CYP39A1: variants seen among roughly 807,000 people sequenced by gnomAD.
The protein encoded by CYP39A1 is 24-hydroxycholesterol 7-alpha-hydroxylase.
Under a neutral mutation model 58.1 loss-of-function variants are expected in CYP39A1, and 49 were observed. The ratio of observed to expected loss-of-function variants is 0.84; its 90% confidence interval spans 0.67 to 1.07. The LOEUF is 1.07. Among genes scored for constraint, CYP39A1 ranks in the 50% least tolerant of loss-of-function variants. CYP39A1 has a pLI of 0.00. For missense variants in CYP39A1, 531 were observed against 539.4 expected (o/e 0.98, Z 0.16); for synonymous variants, 209 against 187.6 (o/e 1.11, Z -0.93).
chr6:46,585,996 C>T (rs1772454167), intron 10 of CYP39A1, among the ~76,000 whole-genome samples: 1 of 152,070 alleles, frequency 6.6e-6, no homozygotes, highest in South Asian at 2.1e-4. Context: ...CAACTTCCTA[C>T]CTCAGGACAA....
At chr6:46,641,023 T>C (rs1408831901) in intron 2 of CYP39A1, among the ~76,000 whole-genome samples, 4 of 151,766 alleles carry the variant, frequency 2.6e-5, no homozygotes, top group Non-Finnish European at 5.9e-5. Context: ...CTACTATACA[T>C]CTTCTGTATG....
At position 46,553,797 on chromosome 6, in the gene CYP39A1, GT is replaced by G. The variant is rs1269009483; in HGVS notation, c.1307del (p.Asp436AlafsTer90). The G allele has an allele frequency of 1.9e-6, 3 of 1,611,094 alleles. No homozygotes were observed. The East Asian group carries it at 6.7e-5, about 36-fold the overall frequency. Reference sequence around the variant, plus strand: ...TGGGTAATGGGTCCAGAAGACTACAGTCATATTTATAAAGTATTAAAATAAT... The same window carrying G: ...TGGGTAATGGGTCCAGAAGACTACAGCATATTTATAAAGTATTAAAATAAT... ...MCIILILYKY[D>X]CSLLDPLPKQ... On this transcript the variant is annotated frameshift_variant, in exon 11 of 12. Coordinates refer to ENST00000275016, the MANE Select transcript of CYP39A1 (RefSeq NM_016593.5). LOFTEE classifies it high-confidence loss of function.
chr6:46,596,783 C>T (rs977280148), intron 7 of CYP39A1, among the ~76,000 whole-genome samples: 20 of 152,046 alleles, frequency 1.3e-4, no homozygotes, highest in Non-Finnish European at 2.8e-4. Context: ...AACCTTTGTA[C>T]CATCTAAAGT....
rs567314746 is a variant in CYP39A1 at position 46,650,484 on chromosome 6, CTTTTTTT to C, written c.177+1915_177+1921del. On this transcript the variant is annotated intron_variant, in intron 1 of 11. Transcript: ENST00000275016. Reference sequence around the variant, plus strand: ...AAACATCAAATAATGCAGTCATATTCTTTTTTTTTTTTTTTTTTTTTTTTTTTTTTTT... The same window carrying C: ...AAACATCAAATAATGCAGTCATATTCTTTTTTTTTTTTTTTTTTTTTTTTT... Among the ~76,000 whole-genome samples, 18 of 35,188 alleles carry C rather than the reference CTTTTTTT, an allele frequency of 5.1e-4. No individual in the cohort carries two copies. In the South Asian group the frequency reaches 5.6e-3, roughly 11 times the overall value. The allele number at this position is 35,188 out of a possible 152,430, so 23.1% of individuals were successfully genotyped here.
intron 5 of CYP39A1, among the ~76,000 whole-genome samples, chr6:46,634,517 C>CTG (rs1562011349): frequency 1.7e-5 from 2 of 120,552 alleles, no homozygotes; most frequent in African/African-American, 6.3e-5. Context: ...CTTTTTTTTT[C>CTG]TTTTTGCTTT....
chr6:46,645,215 C>G (rs1762246990), intron 1 of CYP39A1, among the ~76,000 whole-genome samples: 1 of 152,074 alleles, frequency 6.6e-6, no homozygotes, highest in Admixed American at 6.6e-5. Flanking sequence ...TATTTTCTAT[C>G]CCAAATTAGG....
chr6:46,577,081 T>A (rs1771883824), intron 10 of CYP39A1, among the ~76,000 whole-genome samples: 1 of 152,134 alleles, frequency 6.6e-6, no homozygotes, highest in Admixed American at 6.5e-5. Context: ...CAATGAAACT[T>A]TCAGCAGAAA....
intron 10 of CYP39A1, among the ~76,000 whole-genome samples, chr6:46,572,848 T>TTTTCAATTTTTTTCTCC (rs1172160807): frequency 6.6e-6 from 1 of 152,090 alleles, no homozygotes; most frequent in East Asian, 1.9e-4. Flanking sequence ...TACTTTACTC[T>TTTTCAATTTTTTTCTCC]TTTCAATTTT....
intron 8 of CYP39A1, 49 bp from the exon 9 acceptor site, chr6:46,588,178 A>C: frequency 8.3e-7 from 1 of 1,206,140 alleles, no homozygotes; most frequent in South Asian, 1.5e-5. Flanking sequence ...ATATACTTTA[A>C]AGAGAATTTG....
At chr6:46,625,604 T>A in intron 6 of CYP39A1, 96 bp from the exon 7 acceptor site, 1 of 856,194 alleles carries the variant, frequency 1.2e-6, no homozygotes, top group Non-Finnish European at 1.7e-6. Context: ...TTAAAAAGGA[T>A]GATGTTTAAA....
intron 7 of CYP39A1, among the ~76,000 whole-genome samples, chr6:46,603,600 C>T (rs1460877989): frequency 1.3e-5 from 2 of 152,166 alleles, no homozygotes; most frequent in Non-Finnish European, 2.9e-5. Flanking sequence ...TCACAAATGT[C>T]CCTGTGGTTT....
At chr6:46,630,688 A>C (rs887675999) in intron 6 of CYP39A1, among the ~76,000 whole-genome samples, 1 of 152,216 alleles carries the variant, frequency 6.6e-6, no homozygotes, top group African/African-American at 2.4e-5. Flanking sequence ...GTTGTCTACA[A>C]CTGGCCCCAA....
chr6:46,640,618 T>A (rs1199427314), intron 2 of CYP39A1, among the ~76,000 whole-genome samples: 2 of 152,202 alleles, frequency 1.3e-5, no homozygotes, highest in African/African-American at 2.4e-5. Flanking sequence ...TTTAAAAAAA[T>A]TTTGAATTTT....
At position 46,595,999 on chromosome 6, in the gene CYP39A1, A is replaced by C. The variant is rs536870177; in HGVS notation, c.1053T>G (p.Pro351=). ...PGVITRKVVK[P]VEILNYIIPS... ...AACCAAAGCTTACCAAAATTTCCAC[A>C]GGCTTCACCACTTTTCTAGTAATGA... Residue 351 remains proline (P), a synonymous_variant, in exon 8 of 12, where the codon CCT becomes CCG. Transcript: ENST00000275016. 3 of 1,607,094 alleles carry C rather than the reference A, an allele frequency of 1.9e-6. No individual in the cohort carries two copies. Among genetic ancestry groups the C allele is most frequent in the South Asian group, 2.3e-5 (2 of 88,724 alleles).
At chr6:46,630,409 G>A (rs2150579279) in intron 6 of CYP39A1, among the ~76,000 whole-genome samples, 1 of 152,200 alleles carries the variant, frequency 6.6e-6, no homozygotes, top group Middle Eastern at 3.4e-3. Context: ...ACCACAGTGG[G>A]AGGTTCACAT....
chr6:46,638,233 G>A (rs1776114411), intron 3 of CYP39A1, among the ~76,000 whole-genome samples: 1 of 152,102 alleles, frequency 6.6e-6, no homozygotes, highest in African/African-American at 2.4e-5. Flanking sequence ...ATTAGACTCT[G>A]ACAAATATGA....
chr6:46,642,502 T>A (rs749251621), intron 1 of CYP39A1, among the ~76,000 whole-genome samples: 27 of 152,296 alleles, frequency 1.8e-4, no homozygotes, highest in Non-Finnish European at 3.1e-4. Flanking sequence ...TATGTAATAT[T>A]CCCTTTGATC....
At chr6:46,565,325 T>A (rs1256346540) in intron 10 of CYP39A1, among the ~76,000 whole-genome samples, 3 of 152,074 alleles carry the variant, frequency 2.0e-5, no homozygotes, top group Non-Finnish European at 4.4e-5. Flanking sequence ...CATGCAACAT[T>A]ATGTCTGGGG....
At chr6:46,592,713 TG>T (rs1347631551) in intron 8 of CYP39A1, among the ~76,000 whole-genome samples, 1 of 152,166 alleles carries the variant, frequency 6.6e-6, no homozygotes, top group Non-Finnish European at 1.5e-5. Flanking sequence ...CCCAGCACTT[TG>T]GGAGGCCAAG....
Sources: allele counts gnomAD v4.1 joint callset (sites outside exome capture counted in the v4.1 genomes callset), GRCh38; gene constraint gnomAD v4.1.1; transcripts MANE v1.5; gene names NCBI Gene and HGNC (gene_info 2026-07-23, HGNC 2026-07-21).